The following MACROD2 variants were observed in gnomAD, a reference collection of about 807,000 sequenced individuals.
The protein encoded by MACROD2 is ADP-ribose glycohydrolase MACROD2.
In MACROD2, 36 loss-of-function variants were observed where a neutral mutation model predicts 70.4. The observed-to-expected ratio is 0.51, with a 90% CI of 0.39 to 0.68. MACROD2 has a LOEUF of 0.68. Among genes scored for constraint, MACROD2 ranks in the 30% least tolerant of loss-of-function variants. MACROD2 has a pLI of 0.00. For missense variants in MACROD2, 496 were observed against 538.4 expected (o/e 0.92, Z 0.78); for synonymous variants, 172 against 178.8 (o/e 0.96, Z 0.30).
chr20:14,017,571 G>T (rs1317781097), intron 2 of MACROD2, among the ~76,000 whole-genome samples: 1 of 152,064 alleles, frequency 6.6e-6, no homozygotes, highest in Non-Finnish European at 1.5e-5. Context: ...AAGTTTAGAT[G>T]ATCATGTAGT....
intron 5 of MACROD2, among the ~76,000 whole-genome samples, chr20:15,031,626 G>T (rs777171082): frequency 1.1e-4 from 16 of 152,168 alleles, no homozygotes; most frequent in African/African-American, 3.4e-4. Flanking sequence ...AAGTGGAGGA[G>T]ACCTGAAATG....
At chr20:14,979,857 A>G (rs971103375) in intron 5 of MACROD2, among the ~76,000 whole-genome samples, 3 of 152,174 alleles carry the variant, frequency 2.0e-5, no homozygotes, top group Non-Finnish European at 2.9e-5. Context: ...CTTTGTCACT[A>G]AATTAACTGT....
At chr20:15,018,975 G>GTACA (rs2075143153) in intron 5 of MACROD2, among the ~76,000 whole-genome samples, 1 of 152,190 alleles carries the variant, frequency 6.6e-6, no homozygotes, top group Non-Finnish European at 1.5e-5. Flanking sequence ...TGTCATGCTT[G>GTACA]TACAGCCTGC....
At chr20:15,768,088 A>T (rs1487498298) in intron 8 of MACROD2, among the ~76,000 whole-genome samples, 1 of 152,026 alleles carries the variant, frequency 6.6e-6, no homozygotes, top group Non-Finnish European at 1.5e-5. Context: ...ATAGCATGAA[A>T]GTTACTGCAA....
chr20:15,859,106 G>A (rs189055069), intron 8 of MACROD2, among the ~76,000 whole-genome samples: 4 of 152,284 alleles, frequency 2.6e-5, no homozygotes, highest in Admixed American at 2.6e-4. Context: ...GAAAGAAAAT[G>A]TTATTAAGAA....
intron 4 of MACROD2, among the ~76,000 whole-genome samples, chr20:14,544,688 G>A (rs1023930966): frequency 1.3e-5 from 2 of 152,210 alleles, no homozygotes; most frequent in African/African-American, 4.8e-5. Flanking sequence ...ACTGATAGGG[G>A]AGTGAAAAAG....
At chr20:15,177,600 T>A (rs944457510) in intron 5 of MACROD2, among the ~76,000 whole-genome samples, 1 of 152,216 alleles carries the variant, frequency 6.6e-6, no homozygotes, top group Non-Finnish European at 1.5e-5. Context: ...TTTTTCTGTT[T>A]TCCCAGTCAT....
chr20:14,012,848 G>A (rs1018781440), intron 2 of MACROD2, among the ~76,000 whole-genome samples: 3 of 152,170 alleles, frequency 2.0e-5, no homozygotes, highest in Non-Finnish European at 2.9e-5. Flanking sequence ...TGAGGTCACC[G>A]CAATAGCAAT....
Position 15,118,482 on chromosome 20 carries a change from T to C in MACROD2, c.419-111458T>C, listed in dbSNP as rs369127503. On this transcript the variant is annotated intron_variant, in intron 5 of 17. Transcript: ENST00000684519. Reference sequence around the variant, plus strand: ...GTGGGAGTGCAAGCATGAGCCACCATGCCCAGCCTAAAGTGAGCTCTTGAC... The same window carrying C: ...GTGGGAGTGCAAGCATGAGCCACCACGCCCAGCCTAAAGTGAGCTCTTGAC... Among the ~76,000 whole-genome samples the C allele has an allele frequency of 2.0e-5, 3 of 152,150 alleles. No homozygotes were observed. The East Asian group carries it at 5.8e-4, about 29-fold the overall frequency.
chr20:15,773,604 T>C lies in MACROD2; in HGVS notation c.646-89141T>C, dbSNP rs1206740573. 2.0e-5 allele frequency among the ~76,000 whole-genome samples: 3 copies of C among 152,166 alleles called. No homozygotes were observed. The East Asian group carries it at 5.8e-4, about 29-fold the overall frequency. ...TAGCCAAGTATATTACTGTGATTTA[T>C]TTTGACACTTAATGGAACCGTGCAG... On this transcript the variant is annotated intron_variant, in intron 8 of 17. Transcript: ENST00000684519.
intron 5 of MACROD2, among the ~76,000 whole-genome samples, chr20:14,805,063 A>G (rs991122208): frequency 1.3e-5 from 2 of 151,982 alleles, no homozygotes; most frequent in Admixed American, 6.6e-5. Context: ...TGGATCCTCT[A>G]ATATTTTGTG....
rs1180933669 is a variant in MACROD2 at position 16,044,568 on chromosome 20, C to G, written c.1232-3C>G. ...TTAACTTTTTTTTTTTTTCTGGTGA[C>G]AGTTGAAATGAATAGTCAGGTTGAC... On this transcript the variant is annotated splice_polypyrimidine_tract_variant and splice_region_variant and intron_variant, in intron 16 of 17. Transcript: ENST00000684519. 8 of 1,602,030 alleles carry G rather than the reference C, an allele frequency of 5.0e-6. No homozygotes were observed. Among genetic ancestry groups the G allele is most frequent in the Non-Finnish European group, 6.8e-6 (8 of 1,174,318 alleles).
At chr20:15,579,103 G>A (rs1412699196) in intron 8 of MACROD2, among the ~76,000 whole-genome samples, 1 of 152,114 alleles carries the variant, frequency 6.6e-6, no homozygotes, top group East Asian at 1.9e-4. Flanking sequence ...ATTTAAGTTG[G>A]AAGCAGATAC....
intron 5 of MACROD2, among the ~76,000 whole-genome samples, chr20:15,137,454 C>G (rs886892446): frequency 9.4e-5 from 14 of 148,948 alleles, no homozygotes; most frequent in African/African-American, 3.5e-4. Flanking sequence ...TAAACTATCG[C>G]AAGGACAAAA....
At chr20:15,666,400 C>CT (rs1053045305) in intron 8 of MACROD2, among the ~76,000 whole-genome samples, 7 of 151,866 alleles carry the variant, frequency 4.6e-5, no homozygotes, top group Non-Finnish European at 8.8e-5. Flanking sequence ...GCCCTAGGGT[C>CT]TTTTTTTTGC....
intron 7 of MACROD2, among the ~76,000 whole-genome samples, chr20:15,439,131 A>C (rs550711056): frequency 5.9e-5 from 9 of 152,306 alleles, no homozygotes; most frequent in African/African-American, 1.9e-4. Flanking sequence ...GGTTTATTAC[A>C]GCCCATGGAA....
chr20:14,594,619 C>T (rs772534459), intron 4 of MACROD2, among the ~76,000 whole-genome samples: 7 of 152,276 alleles, frequency 4.6e-5, no homozygotes, highest in African/African-American at 1.2e-4. Flanking sequence ...GAAGACTGGG[C>T]GCGGTGGCTC....
chr20:15,836,674 T>C (rs2064117545), intron 8 of MACROD2, among the ~76,000 whole-genome samples: 1 of 152,218 alleles, frequency 6.6e-6, no homozygotes, highest in Non-Finnish European at 1.5e-5. Context: ...AATGATGTAT[T>C]GAAAGGGATT....
intron 8 of MACROD2, among the ~76,000 whole-genome samples, chr20:15,660,446 G>C (rs2049803813): frequency 6.6e-6 from 1 of 151,996 alleles, no homozygotes; most frequent in Non-Finnish European, 1.5e-5. Flanking sequence ...AAGCCACGTA[G>C]TTTTTCAGAT....
Sources: allele counts gnomAD v4.1 joint callset (sites outside exome capture counted in the v4.1 genomes callset), GRCh38; gene constraint gnomAD v4.1.1; transcripts MANE v1.5; gene names NCBI Gene and HGNC (gene_info 2026-07-23, HGNC 2026-07-21).